Variants in RTKN2 observed in about 807,000 individuals in gnomAD.
RTKN2 encodes the protein rhotekin 2, also known as rhotekin-2.
Under a neutral mutation model 71.5 loss-of-function variants are expected in RTKN2, and 69 were observed. The ratio of observed to expected loss-of-function variants is 0.96; its 90% CI spans 0.79 to 1.18. RTKN2 has a LOEUF of 1.18. Among genes scored for constraint, RTKN2 ranks in the 50% most tolerant of loss-of-function variants. The pLI is 0.00. For synonymous variants in RTKN2, 236 were observed against 236.5 expected (o/e 1.00, Z 0.02); for missense variants, 724 against 719.7 (o/e 1.01, Z -0.07).
rs1589327647 is a variant in RTKN2 at position 62,195,153 on chromosome 10, A to G, written c.*2755T>C. 1 of 976,854 alleles carries G rather than the reference A, an allele frequency of 1.0e-6. No homozygotes were observed. Among genetic ancestry groups the G allele is most frequent in the Non-Finnish European group, 1.2e-6 (1 of 822,154 alleles). 60.5% of individuals were successfully genotyped at this position (976,854 alleles called of 1,614,324 possible). ...TCCCAGAGCTTGAAATGTAAAGGTA[A>G]TTGTCTAAGACATTATCTTTAGATC... On this transcript the variant is annotated 3_prime_UTR_variant, in exon 12 of 12. Transcript: ENST00000373789.
intron 3 of RTKN2, among the ~76,000 whole-genome samples, chr10:62,244,318 AATT>A (rs1205656976): frequency 6.6e-6 from 1 of 152,218 alleles, no homozygotes; most frequent in African/African-American, 2.4e-5. Context: ...CTTAATTTAA[AATT>A]ATCTTTTGGA....
intron 8 of RTKN2, chr10:62,184,504 A>G: frequency 8.7e-6 from 5 of 577,716 alleles, no homozygotes; most frequent in Non-Finnish European, 1.5e-5. Context: ...AGTTTCAGGA[A>G]AAATGAGTTG....
chr10:62,231,305 A>G (rs1009155880), intron 6 of RTKN2, among the ~76,000 whole-genome samples: 3 of 152,202 alleles, frequency 2.0e-5, no homozygotes, highest in African/African-American at 7.2e-5. Context: ...TAATTCAGCT[A>G]TTAGATGCAC....
At chr10:62,265,102 T>TA (rs3080113) in intron 1 of RTKN2, among the ~76,000 whole-genome samples, 3 of 151,350 alleles carry the variant, frequency 2.0e-5, no homozygotes, top group African/African-American at 7.3e-5. Flanking sequence ...AAGTCAGGAT[T>TA]AAAAAAAAAA....
chr10:62,248,004 C>T (rs1042914869), intron 2 of RTKN2, among the ~76,000 whole-genome samples: 10 of 151,954 alleles, frequency 6.6e-5, no homozygotes, highest in Admixed American at 2.0e-4. Flanking sequence ...CTTTGGCAGG[C>T]GAATGAAATT....
At chr10:62,256,045 G>T (rs1392996941) in intron 2 of RTKN2, among the ~76,000 whole-genome samples, 1 of 151,072 alleles carries the variant, frequency 6.6e-6, no homozygotes, top group Non-Finnish European at 1.5e-5. Flanking sequence ...TTGAGACAGG[G>T]TCTTACTCTG....
chr10:62,223,843 G>A (rs568508667), intron 6 of RTKN2, among the ~76,000 whole-genome samples: 1 of 152,246 alleles, frequency 6.6e-6, no homozygotes, highest in East Asian at 1.9e-4. Context: ...ACTGAGAGCA[G>A]AGACTCAGAT....
At chr10:62,213,022 A>C (rs2132864994) in intron 9 of RTKN2, among the ~76,000 whole-genome samples, 1 of 152,312 alleles carries the variant, frequency 6.6e-6, no homozygotes, top group East Asian at 1.9e-4. Context: ...CCAAGTATTT[A>C]TCCTGCCTTT....
At chr10:62,262,593 A>G (rs746172725) in intron 2 of RTKN2, 32 bp downstream of exon 2, 1 of 1,434,606 alleles carries the variant, frequency 7.0e-7, no homozygotes, top group African/African-American at 1.4e-5. Flanking sequence ...ATTTAAGTAC[A>G]TTAAAAGCCA....
In RTKN2 at chr10:62,236,056, A is replaced by G. The variant is rs1342669304; in HGVS notation, c.686+10T>C. On this transcript the variant is annotated intron_variant, in intron 6 of 11. Coordinates refer to ENST00000373789, the MANE Select transcript of RTKN2 (RefSeq NM_145307.4). Reference sequence around the variant, plus strand: ...ATTATGTCACCATAAATACAGTATTAAAAACTTACAAAACAGCAGAGCTGA... The same window carrying G: ...ATTATGTCACCATAAATACAGTATTGAAAACTTACAAAACAGCAGAGCTGA... The G allele has an allele frequency of 3.2e-6, 5 of 1,578,552 alleles. No individual in the cohort carries two copies. In the Admixed American group the frequency reaches 6.7e-5, roughly 21 times the overall value.
intron 7 of RTKN2, among the ~76,000 whole-genome samples, chr10:62,220,171 A>G (rs554231207): frequency 2.0e-5 from 3 of 152,326 alleles, no homozygotes; most frequent in South Asian, 2.1e-4. Context: ...GTAAAACCAA[A>G]AAGTTTTAAA....
intron 9 of RTKN2, among the ~76,000 whole-genome samples, chr10:62,207,312 C>T (rs568823358): frequency 1.6e-4 from 25 of 151,958 alleles, no homozygotes; most frequent in Non-Finnish European, 3.2e-4. Context: ...TTCTGGTAGC[C>T]ATAAATATCA....
chr10:62,219,770 G>A (rs919799560), intron 7 of RTKN2, among the ~76,000 whole-genome samples: 6 of 151,530 alleles, frequency 4.0e-5, no homozygotes, highest in South Asian at 4.2e-4. Flanking sequence ...GTAATATACC[G>A]ATACCCATCT....
chr10:62,198,825 G>A (rs932048060), intron 11 of RTKN2, among the ~76,000 whole-genome samples: 1 of 152,046 alleles, frequency 6.6e-6, no homozygotes, highest in African/African-American at 2.4e-5. Flanking sequence ...AACATTTCCT[G>A]GATTTAAAAC....
intron 6 of RTKN2, among the ~76,000 whole-genome samples, chr10:62,235,004 C>T (rs950572546): frequency 2.0e-5 from 3 of 151,438 alleles, no homozygotes; most frequent in Non-Finnish European, 2.9e-5. Context: ...GATCTAACTG[C>T]GAGGTTATAG....
chr10:62,211,667 T>C (rs1841661604), intron 9 of RTKN2, among the ~76,000 whole-genome samples: 1 of 152,148 alleles, frequency 6.6e-6, no homozygotes. Context: ...AGAAACACTA[T>C]TCTTTTTTCT....
intron 2 of RTKN2, among the ~76,000 whole-genome samples, chr10:62,251,651 A>G (rs1461875125): frequency 6.6e-6 from 1 of 152,224 alleles, no homozygotes; most frequent in Non-Finnish European, 1.5e-5. Context: ...ATATAAAGTA[A>G]CAAAAACCAT....
rs912963441 is a variant in RTKN2 at position 62,268,707 on chromosome 10, G to A, written c.-97C>T. 2.3e-6 allele frequency: 3 copies of A among 1,292,854 alleles called. No homozygotes were observed. The highest frequency in any genetic ancestry group is 2.2e-5 in the Admixed American group (1 of 44,968). The allele number at this position is 1,292,854 out of a possible 1,614,324, so 80.1% of individuals were successfully genotyped here. On this transcript the variant is annotated 5_prime_UTR_variant, in exon 1 of 12. Transcript: ENST00000373789. ...AGCCGCAGAGGACGCCAACCGCCCG[G>A]CCGTACCAAGTCCCAGTCGCAGGGG...
At chr10:62,219,946 A>G (rs893341777) in intron 7 of RTKN2, among the ~76,000 whole-genome samples, 4 of 152,322 alleles carry the variant, frequency 2.6e-5, no homozygotes, top group African/African-American at 7.2e-5. Context: ...TTTATTCTAG[A>G]CATCAGAGTA....
Sources: gnomAD v4.1 joint callset for allele counts (sites outside exome capture counted in the v4.1 genomes callset) on GRCh38, gnomAD v4.1.1 for gene constraint, MANE v1.5 for transcripts, NCBI Gene and HGNC (gene_info 2026-07-23, HGNC 2026-07-21) for gene names.